The following CITED1 variants were observed in gnomAD, a reference collection of about 807,000 sequenced individuals.
The protein encoded by CITED1 is cbp/p300-interacting transactivator 1.
A neutral mutation model predicts 8.5 loss-of-function variants in CITED1; 3 were observed. The observed-to-expected ratio is 0.35, with a 90% CI of 0.16 to 0.91. CITED1 has a LOEUF of 0.91. Ranked by LOEUF, CITED1 falls within the 40% of genes least tolerant of loss-of-function variation. The pLI is 0.46. For missense variants in CITED1, 113 were observed against 154.8 expected (o/e 0.73, Z 1.43); for synonymous variants, 54 against 67.4 (o/e 0.80, Z 0.97).
chrX:72,306,578 C>G (rs2147644563), upstream of CITED1: 1 of 111,392 alleles, frequency 9.0e-6, no homozygotes, highest in East Asian at 2.9e-4. Flanking sequence ...GCCGCCGCCA[C>G]CGCTACCGCG....
Position 72,301,789 on chromosome X carries a change from C to G in CITED1, c.516G>C (p.Glu172Asp). ...VVELGLDRANELPELWLGQNE... is the reference protein window; with the variant it reads ...VVELGLDRANDLPELWLGQNE... ...TCTGCCCCAGCCACAGCTCCGGAAG[C>G]TCATTGGCTCGGTCCAACCCCAGTT... Residue 172 changes from glutamate to aspartate, a missense_variant, in exon 3 of 3, where the codon GAG becomes GAC. Physicochemically the swap from Glu to Asp is conservative, Grantham distance 45. Transcript: ENST00000651998. The G allele has an allele frequency of 2.5e-6, 3 of 1,212,130 alleles. No homozygotes were observed. Among genetic ancestry groups the G allele is most frequent in the Non-Finnish European group, 3.3e-6 (3 of 895,626 alleles).
chrX:72,304,814 T>C (rs778775782), intron 1 of CITED1, among the ~76,000 whole-genome samples: 3 of 112,293 alleles, frequency 2.7e-5, no homozygotes, highest in Non-Finnish European at 3.8e-5. Context: ...CATTCAGATC[T>C]TCTGCCTTCC....
chrX:72,302,043 C>T lies in CITED1; in HGVS notation c.262G>A (p.Ala88Thr), dbSNP rs759637602. ...TGCATACTAGCCAGCAAGTGAGGGG[C>T]GGGGTGCAGGTTGAAGGATGGGGGT... ...TKPPSFNLHP[A>T]PHLLASMHLQ... Residue 88 changes from alanine to threonine, a missense_variant, in exon 3 of 3, where the codon GCC becomes ACC. Coordinates refer to ENST00000651998, the MANE Select transcript of CITED1 (RefSeq NM_001144887.2). The T allele has an allele frequency of 5.3e-5, 64 of 1,196,444 alleles. No homozygotes were observed. Among genetic ancestry groups the T allele is most frequent in the Middle Eastern group, 2.3e-4 (1 of 4,351 alleles).
chrX:72,304,062 A>G, intron 1 of CITED1: 1 of 543,481 alleles, frequency 1.8e-6, no homozygotes, highest in Non-Finnish European at 2.2e-6. Context: ...AAAAAAAAAA[A>G]GCCCCATATA....
At chrX:72,306,713 C>G (rs2043343980), upstream of CITED1, 2 of 108,692 alleles carry the variant, frequency 1.8e-5, no homozygotes, top group South Asian at 3.8e-4. Context: ...AGCCCCTGAC[C>G]GAGCTGGTGC....
chrX:72,307,088 C>T (rs2043349011), upstream of CITED1: 1 of 110,458 alleles, frequency 9.1e-6, no homozygotes, highest in African/African-American at 3.3e-5. Flanking sequence ...AACTGCCCCT[C>T]GCCGGCGGAC....
upstream of CITED1, among the ~76,000 whole-genome samples, chrX:72,306,321 C>T (rs778979185): frequency 1.8e-5 from 2 of 110,330 alleles, no homozygotes; most frequent in Non-Finnish European, 3.8e-5. Context: ...GGCGGGCGGG[C>T]GGCCCCTCGC....
In CITED1 at chrX:72,302,029, C is replaced by T; in HGVS notation, c.276G>A (p.Leu92=). The T allele has an allele frequency of 2.5e-6, 3 of 1,203,391 alleles. No homozygotes were observed. The highest frequency in any genetic ancestry group is 3.4e-6 in the Non-Finnish European group (3 of 890,824). ...TAAGTTTCTGCAGGTGCATACTAGC[C>T]AGCAAGTGAGGGGCGGGGTGCAGGT... is the stretch of plus-strand genomic sequence containing the variant. ...SFNLHPAPHL[L]ASMHLQKLNS... The change falls in exon 3 of 3, where the codon CTG becomes CTA. Residue 92 remains leucine, a synonymous_variant. Transcript: ENST00000651998.
chrX:72,303,074 C>T, intron 1 of CITED1, 140 bp from the exon 2 acceptor site: 1 of 815,696 alleles, frequency 1.2e-6, no homozygotes, highest in Non-Finnish European at 1.7e-6. Flanking sequence ...CAGAGATCAC[C>T]CGAGCACAGG....
At chrX:72,306,605 C>G (rs1602481295), upstream of CITED1, 1 of 111,224 alleles carries the variant, frequency 9.0e-6, no homozygotes, top group Non-Finnish European at 1.9e-5. Flanking sequence ...TCGCGCTCAG[C>G]GCCCGCGGCC....
rs1392072823 is a variant in CITED1 at position 72,302,263 on chromosome X, C to T, written c.61-19G>A. 1.7e-6 allele frequency: 2 copies of T among 1,195,126 alleles called. No individual in the cohort carries two copies. The highest frequency in any genetic ancestry group is 2.3e-6 in the Non-Finnish European group (2 of 885,869). On this transcript the variant is annotated intron_variant, in intron 2 of 2. Coordinates refer to ENST00000651998, the MANE Select transcript of CITED1 (RefSeq NM_001144887.2). ...TGGCATCCTAGAAGACAGAGAAAAG[C>T]ACACCATAGTAACCCTGCTCCTGGC...
chrX:72,305,633 G>A, intron 1 of CITED1, 192 bp downstream of exon 1: 1 of 212,236 alleles, frequency 4.7e-6, no homozygotes, highest in Non-Finnish European at 8.5e-6. Flanking sequence ...CGGGGTGTCG[G>A]CCTCCGCGGC....
intron 1 of CITED1, among the ~76,000 whole-genome samples, chrX:72,303,469 G>A (rs1430357409): frequency 8.9e-6 from 1 of 112,224 alleles, no homozygotes; most frequent in Non-Finnish European, 1.9e-5. Flanking sequence ...CCTTGGGCAT[G>A]CCTGTGAGAA....
chrX:72,304,053 A>C, intron 1 of CITED1: 3 of 505,310 alleles, frequency 5.9e-6, no homozygotes, highest in Non-Finnish European at 7.2e-6. Flanking sequence ...TATCTCTTTA[A>C]AAAAAAAAAG....
At chrX:72,305,167 C>G in intron 1 of CITED1, 1 of 595,143 alleles carries the variant, frequency 1.7e-6, no homozygotes, top group Non-Finnish European at 2.6e-6. Context: ...CTCTTCGCTT[C>G]AGGCCTTCCC....
intron 1 of CITED1, 79 bp from the exon 2 acceptor site, chrX:72,303,013 C>A (rs943574246): frequency 9.2e-7 from 1 of 1,092,015 alleles, no homozygotes; most frequent in African/African-American, 1.8e-5. Context: ...CAAAGCAGGG[C>A]AATGCCACGC....
chrX:72,303,755 G>A (rs1310809159), intron 1 of CITED1, among the ~76,000 whole-genome samples: 1 of 112,021 alleles, frequency 8.9e-6, no homozygotes, highest in Non-Finnish European at 1.9e-5. Flanking sequence ...CACTGGCTAA[G>A]TCATCATACC....
intron 1 of CITED1, among the ~76,000 whole-genome samples, chrX:72,304,311 G>A (rs1478069804): frequency 9.0e-6 from 1 of 111,087 alleles, no homozygotes; most frequent in African/African-American, 3.3e-5. Flanking sequence ...ATGGGGGTAG[G>A]GGAGGGAAAA....
At position 72,301,777 on chromosome X, in the gene CITED1, C is replaced by G; in HGVS notation, c.528G>C (p.Leu176=). ...AGTCAAACTCATTCTGCCCCAGCCA[C>G]AGCTCCGGAAGCTCATTGGCTCGGT... The part of the protein sequence containing the change: ...GLDRANELPE[L]WLGQNEFDFT... Residue 176 remains leucine (L), a synonymous_variant, in exon 3 of 3, where the codon CTG becomes CTC. Transcript: ENST00000651998. 8.2e-7 allele frequency: 1 copy of G among 1,212,302 alleles called. No individual in the cohort carries two copies. The highest frequency in any genetic ancestry group is 1.7e-5 in the African/African-American group (1 of 57,908).
Sources: allele counts gnomAD v4.1 joint callset (sites outside exome capture counted in the v4.1 genomes callset), GRCh38; gene constraint gnomAD v4.1.1; transcripts MANE v1.5; gene names NCBI Gene and HGNC (gene_info 2026-07-23, HGNC 2026-07-21).